Variants in C2CD5 observed in about 807,000 individuals in gnomAD.
The protein encoded by C2CD5 is C2 domain-containing protein 5.
Under a neutral mutation model 130.3 loss-of-function variants are expected in C2CD5, and 109 were observed. The ratio of observed to expected loss-of-function variants is 0.84; its 90% CI spans 0.72 to 0.98. C2CD5 has a LOEUF of 0.98. C2CD5 is among the 50% of genes least tolerant of loss of function. The probability of loss-of-function intolerance (pLI) is 0.00; values close to 1 mark genes in which losing one functional copy is unlikely to be tolerated. For missense variants in C2CD5, 996 were observed against 1,261.8 expected, an observed-to-expected ratio of 0.79 and a Z score of 3.19; for synonymous variants, 454 against 429.2, an observed-to-expected ratio of 1.06 and a Z score of -0.71.
intron 2 of C2CD5, among the ~76,000 whole-genome samples, chr12:22,540,224 A>T (rs1952227753): frequency 6.6e-6 from 1 of 152,206 alleles, no homozygotes; most frequent in African/African-American, 2.4e-5. Flanking sequence ...TCTGTTTGAG[A>T]AGCAGTCACA....
At chr12:22,457,197 A>G in intron 24 of C2CD5, 36 bp from the exon 25 acceptor site, 1 of 1,428,308 alleles carries the variant, frequency 7.0e-7, no homozygotes, top group Middle Eastern at 1.8e-4. Context: ...CATTCAGAAC[A>G]GACGCTGGTA....
At chr12:22,536,175 T>TTA (rs1177010720) in intron 2 of C2CD5, among the ~76,000 whole-genome samples, 4 of 151,202 alleles carry the variant, frequency 2.6e-5, no homozygotes, top group African/African-American at 9.7e-5. Flanking sequence ...CATATAATAG[T>TTA]TATATGTCTG....
chr12:22,480,699 G>A (rs1355045194), intron 14 of C2CD5, among the ~76,000 whole-genome samples: 1 of 152,104 alleles, frequency 6.6e-6, no homozygotes, highest in Non-Finnish European at 1.5e-5. Flanking sequence ...CTTGCATCAA[G>A]CACAAATTAT....
At position 22,525,675 on chromosome 12, in the gene C2CD5, T is replaced by G. The variant is rs780836198; in HGVS notation, c.380A>C (p.Lys127Thr). ...ATTTAAATCATTGAAGAGGTCTACTTTGACAACTACATTGATTTCCCCACG... is the reference window on the plus strand; with the variant it reads ...ATTTAAATCATTGAAGAGGTCTACTGTGACAACTACATTGATTTCCCCACG... The part of the protein sequence containing the change: ...GIRGEINVVV[K>T]VDLFNDLNRF... The change falls in exon 5 of 27, where the codon AAA becomes ACA. Residue 127 changes from lysine to threonine, a missense_variant. This residue lies in a region of C2CD5 where 49 missense variants were observed against 52.0 expected (regional missense o/e 0.94). Coordinates refer to ENST00000446597, the MANE Select transcript of C2CD5 (RefSeq NM_001286176.2). 1.3e-6 allele frequency: 2 copies of G among 1,583,736 alleles called. No individual in the cohort carries two copies. Among genetic ancestry groups the G allele is most frequent in the South Asian group, 1.1e-5 (1 of 90,352 alleles).
At chr12:22,527,332 T>A (rs2418069) in intron 4 of C2CD5, among the ~76,000 whole-genome samples, 66,290 of 105,920 alleles carry the variant, frequency 0.63, 20,677 homozygotes, top group Non-Finnish European at 0.77. Context: ...ATATATATAT[T>A]TTTTTTTTTT....
chr12:22,470,294 A>G (rs1416101786), intron 21 of C2CD5, among the ~76,000 whole-genome samples: 1 of 152,122 alleles, frequency 6.6e-6, no homozygotes, highest in Non-Finnish European at 1.5e-5. Flanking sequence ...AATCATTCAA[A>G]CTATACAAGA....
intron 22 of C2CD5, among the ~76,000 whole-genome samples, chr12:22,461,975 T>C (rs1489471223): frequency 6.6e-6 from 1 of 152,138 alleles, no homozygotes; most frequent in Non-Finnish European, 1.5e-5. Context: ...CTGGACTGGT[T>C]TGAATACCTC....
chr12:22,453,217 C>A (rs1939078341), intron 26 of C2CD5, among the ~76,000 whole-genome samples: 1 of 152,064 alleles, frequency 6.6e-6, no homozygotes, highest in Admixed American at 6.6e-5. Context: ...GGGTCAGAAA[C>A]GCAGGGCCAA....
At chr12:22,498,014 T>A (rs1947272276) in intron 10 of C2CD5, among the ~76,000 whole-genome samples, 1 of 151,918 alleles carries the variant, frequency 6.6e-6, no homozygotes, top group Non-Finnish European at 1.5e-5. Context: ...CATGCTGTAT[T>A]TATGCCATCT....
chr12:22,482,469 C>A (rs1469759461), intron 14 of C2CD5, 88 bp downstream of exon 14: 5 of 1,102,106 alleles, frequency 4.5e-6, no homozygotes, highest in Non-Finnish European at 6.6e-6. Flanking sequence ...TTTAGATAAG[C>A]CTTTGAAAAG....
At chr12:22,502,432 C>T (rs1947916800) in intron 10 of C2CD5, among the ~76,000 whole-genome samples, 2 of 151,904 alleles carry the variant, frequency 1.3e-5, no homozygotes, top group Admixed American at 6.6e-5. Context: ...CATCATTTAC[C>T]TGATATAGAA....
intron 14 of C2CD5, among the ~76,000 whole-genome samples, chr12:22,479,288 G>A (rs551289379): frequency 6.0e-4 from 91 of 152,004 alleles, no homozygotes; most frequent in Non-Finnish European, 1.1e-3. Context: ...TGGCCAGGCT[G>A]GTCTCCAACT....
chr12:22,520,819 A>G (rs1447480770), intron 7 of C2CD5, among the ~76,000 whole-genome samples: 1 of 152,130 alleles, frequency 6.6e-6, no homozygotes, highest in Admixed American at 6.5e-5. Context: ...TATAGTGTGC[A>G]TGACACTAAA....
At chr12:22,534,405 G>A (rs1018520826) in intron 3 of C2CD5, among the ~76,000 whole-genome samples, 18 of 152,020 alleles carry the variant, frequency 1.2e-4, no homozygotes, top group African/African-American at 4.1e-4. Context: ...AAACTTTTGC[G>A]CATCAAAGAA....
intron 2 of C2CD5, among the ~76,000 whole-genome samples, chr12:22,538,961 T>C (rs1298583828): frequency 6.6e-6 from 1 of 152,184 alleles, no homozygotes; most frequent in African/African-American, 2.4e-5. Flanking sequence ...CCCCTTTTCC[T>C]GCATTAATTT....
chr12:22,543,976 G>A (rs1192048928), intron 2 of C2CD5, 85 bp downstream of exon 2: 1 of 1,032,680 alleles, frequency 9.7e-7, no homozygotes, highest in Non-Finnish European at 1.5e-6. Context: ...GGGGGGAATA[G>A]GCTGAGGGGC....
intron 6 of C2CD5, among the ~76,000 whole-genome samples, chr12:22,523,906 G>C (rs553916080): frequency 7.9e-5 from 12 of 151,810 alleles, no homozygotes; most frequent in African/African-American, 2.9e-4. Flanking sequence ...TTGATACTTT[G>C]TGTGAAATAC....
rs11610844 is a variant in C2CD5 at position 22,534,474 on chromosome 12, A to G, written c.177+784T>C. 9.2e-3 allele frequency among the ~76,000 whole-genome samples: 1,404 copies of G among 152,310 alleles called. 7 individuals are homozygous for G. The highest frequency in any genetic ancestry group is 0.027 in the South Asian group (131 of 4,830). On this transcript the variant is annotated intron_variant, in intron 3 of 26. Coordinates refer to ENST00000446597, the MANE Select transcript of C2CD5 (RefSeq NM_001286176.2). ...ATGAGTGAAAATATTTGCAAATTAT[A>G]TATCTGATAATAAGTTAATATTCAG...
chr12:22,463,440 C>T (rs1941544532), intron 22 of C2CD5: 1 of 152,010 alleles, frequency 6.6e-6, no homozygotes, highest in South Asian at 2.1e-4. Flanking sequence ...GCCAGGTCTC[C>T]ACCCTTATGG....
Sources: gnomAD v4.1 joint callset for allele counts (sites outside exome capture counted in the v4.1 genomes callset) on GRCh38, gnomAD v4.1.1 for gene constraint, gnomAD v4.1.1 regional missense constraint, MANE v1.5 for transcripts, NCBI Gene and HGNC (gene_info 2026-07-23, HGNC 2026-07-21) for gene names.